FOLH1: variants seen among roughly 807,000 people sequenced by gnomAD.
FOLH1 encodes glutamate carboxypeptidase 2.
Under a neutral mutation model 93.9 loss-of-function variants are expected in FOLH1, and 54 were observed. The observed-to-expected ratio is 0.57, with a 90% CI of 0.46 to 0.72. The LOEUF is 0.72. Ranked by LOEUF, FOLH1 falls within the 30% of genes least tolerant of loss-of-function variation. The pLI is 0.00. For synonymous variants in FOLH1, 249 were observed against 303.6 expected (o/e 0.82, Z 1.87); for missense variants, 571 against 892.5 (o/e 0.64, Z 4.59).
At chr11:49,163,610 T>C (rs1590477615) in intron 13 of FOLH1, among the ~76,000 whole-genome samples, 1 of 151,686 alleles carries the variant, frequency 6.6e-6, no homozygotes, top group Non-Finnish European at 1.5e-5. Flanking sequence ...GCTGTGGAAG[T>C]GGGGCCTGCA....
chr11:49,164,405 A>G (rs540258517), intron 13 of FOLH1, among the ~76,000 whole-genome samples: 26 of 152,328 alleles, frequency 1.7e-4, no homozygotes, highest in African/African-American at 6.0e-4. Flanking sequence ...TGGTTCGGCT[A>G]CCGTACAAGT....
rs1239661067 is a variant in FOLH1 at position 49,146,286 on chromosome 11, G to C, written c.*470C>G. 6.6e-6 allele frequency among the ~76,000 whole-genome samples: 1 copy of C among 152,194 alleles called. No individual in the cohort carries two copies. The highest frequency in any genetic ancestry group is 1.5e-5 in the Non-Finnish European group (1 of 68,040). ...TAGAGTGATAACATTTACTAAAAGTGTGATTTGATCCATTTCCCAAATAGT... is the reference window on the plus strand; with the variant it reads ...TAGAGTGATAACATTTACTAAAAGTCTGATTTGATCCATTTCCCAAATAGT... On this transcript the variant is annotated 3_prime_UTR_variant, in exon 19 of 19. Transcript: ENST00000256999.
chr11:49,187,864 G>A (rs1222403838), intron 4 of FOLH1, among the ~76,000 whole-genome samples: 4 of 152,216 alleles, frequency 2.6e-5, no homozygotes, highest in Non-Finnish European at 4.4e-5. Flanking sequence ...ACTGATTGAT[G>A]TGAGGGTACA....
At chr11:49,199,544 C>T (rs202682) in intron 3 of FOLH1, among the ~76,000 whole-genome samples, 49,307 of 151,806 alleles carry the variant, frequency 0.32, 9,374 homozygotes, top group African/African-American at 0.53. Context: ...CTGGGTCAAA[C>T]TGCATACTGG....
At chr11:49,167,871 A>C (rs1858612078) in intron 12 of FOLH1, among the ~76,000 whole-genome samples, 2 of 150,732 alleles carry the variant, frequency 1.3e-5, no homozygotes, top group African/African-American at 4.9e-5. Flanking sequence ...AAAAAAAACA[A>C]ACAAACAAAA....
At chr11:49,149,092 C>A (rs1856137214) in intron 17 of FOLH1, among the ~76,000 whole-genome samples, 1 of 151,802 alleles carries the variant, frequency 6.6e-6, no homozygotes, top group Non-Finnish European at 1.5e-5. Flanking sequence ...TGGGGAACAT[C>A]ACACACCAGG....
chr11:49,150,138 T>C (rs114640093), intron 17 of FOLH1, among the ~76,000 whole-genome samples: 1,523 of 152,276 alleles, frequency 0.01, 25 homozygotes, highest in African/African-American at 0.035. Context: ...TGCTTGCTAA[T>C]GTGAAATCTA....
chr11:49,202,641 C>T (rs1371638538), intron 2 of FOLH1, among the ~76,000 whole-genome samples: 2 of 152,178 alleles, frequency 1.3e-5, no homozygotes, highest in East Asian at 1.9e-4. Flanking sequence ...CCACTATGCC[C>T]GAATACATTA....
rs1220348693 is a variant in FOLH1, at chr11:49,154,256, C to T, written c.1860G>A (p.Gln620=). The T allele has an allele frequency of 6.2e-7, 1 of 1,613,234 alleles. No homozygotes were observed. Among genetic ancestry groups the T allele is most frequent in the Non-Finnish European group, 8.5e-7 (1 of 1,179,546 alleles). ...KIYSISMKHP[Q]EMKTYSVSFD... ...ATGATACACTGTATGTCTTCATTTC[C>T]TGTGGATGTTTCATAGAAATACTGT... Residue 620 remains glutamine (Q), a synonymous_variant, in exon 16 of 19, where the codon CAG becomes CAA. Coordinates refer to ENST00000256999, the MANE Select transcript of FOLH1 (RefSeq NM_004476.3).
At chr11:49,169,370 T>C in intron 11 of FOLH1, 112 bp from the exon 12 acceptor site, 2 of 953,152 alleles carry the variant, frequency 2.1e-6, no homozygotes, top group Non-Finnish European at 3.1e-6. Context: ...TGACCCATAT[T>C]AACGACAAAT....
intron 9 of FOLH1, among the ~76,000 whole-genome samples, 196 bp from the exon 10 acceptor site, chr11:49,173,672 A>T (rs1324885688): frequency 3.3e-5 from 5 of 152,094 alleles, no homozygotes; most frequent in African/African-American, 1.2e-4. Flanking sequence ...CATAAATGTG[A>T]TAAAGCAAAT....
chr11:49,146,791 G>A lies in FOLH1; in HGVS notation c.2218C>T (p.Gln740Ter). 6.2e-7 allele frequency: 1 copy of A among 1,613,138 alleles called. No homozygotes were observed. The highest frequency in any genetic ancestry group is 8.5e-7 in the Non-Finnish European group (1 of 1,179,464). The change falls in exon 19 of 19, where the codon CAG (glutamine) becomes TAG (stop). Residue 740 changes from glutamine (Q) to a stop codon, truncating the protein, a stop_gained. Coordinates refer to ENST00000256999, the MANE Select transcript of FOLH1 (RefSeq NM_004476.3). LOFTEE classifies it high-confidence loss of function. ...TCACTCAAAGTCTCTGCAGCTGCCT[G>A]CACTGTGAAGGCTGCAACATAAATC... ...RQIYVAAFTVQAAAETLSEVA is the reference protein window; with the variant it reads ...RQIYVAAFTV
chr11:49,191,124 G>T (rs188218685), intron 4 of FOLH1, among the ~76,000 whole-genome samples: 2 of 152,142 alleles, frequency 1.3e-5, no homozygotes, highest in Admixed American at 6.5e-5. Flanking sequence ...CCATTCTCCT[G>T]CCTCAGCCTC....
intron 11 of FOLH1, among the ~76,000 whole-genome samples, chr11:49,170,517 G>A (rs12787414): frequency 3.9e-5 from 6 of 152,084 alleles, no homozygotes; most frequent in Non-Finnish European, 7.4e-5. Flanking sequence ...CAGGAGCCTA[G>A]GGCAGGAGAA....
In FOLH1 at chr11:49,208,342, G is replaced by A. The variant is rs1168526614; in HGVS notation, c.68C>T (p.Ala23Val). The change falls in exon 1 of 19, where the codon GCT becomes GTT. Residue 23 changes from alanine (A) to valine (V), a missense_variant. Physicochemically the swap from Ala to Val is moderately conservative, Grantham distance 64. Around this residue, in one of 2 missense-constraint regions of FOLH1, gnomAD observed 71 missense variants for 69.6 expected, o/e 1.02. Transcript: ENST00000256999. ...ATARRPRWLC[A>V]GALVLAGGFF... ...GCCACCCGCCAGCACCAGCGCCCCA[G>A]CGCACAGCCAGCGCGGGCGGCGCGC... is the stretch of plus-strand genomic sequence containing the variant. 6.2e-7 allele frequency: 1 copy of A among 1,600,126 alleles called. No homozygotes were observed. The highest frequency in any genetic ancestry group is 1.3e-5 in the African/African-American group (1 of 74,730).
chr11:49,180,157 G>T (rs374225666), intron 7 of FOLH1, among the ~76,000 whole-genome samples: 1 of 152,168 alleles, frequency 6.6e-6, no homozygotes, highest in Non-Finnish European at 1.5e-5. Flanking sequence ...CTGAACATTG[G>T]TTACAATGAG....
intron 1 of FOLH1, among the ~76,000 whole-genome samples, chr11:49,207,504 G>T (rs887721109): frequency 6.6e-6 from 1 of 152,154 alleles, no homozygotes; most frequent in Non-Finnish European, 1.5e-5. Flanking sequence ...GGACTACCTG[G>T]TGATACCTTA....
chr11:49,167,796 G>A (rs1336226593), intron 12 of FOLH1, among the ~76,000 whole-genome samples: 8 of 151,858 alleles, frequency 5.3e-5, no homozygotes, highest in Non-Finnish European at 1.0e-4. Flanking sequence ...GGGCTGCGGA[G>A]TGAGACCCTG....
At chr11:49,191,278 C>T (rs1230036447) in intron 4 of FOLH1, among the ~76,000 whole-genome samples, 1 of 152,208 alleles carries the variant, frequency 6.6e-6, no homozygotes, top group Non-Finnish European at 1.5e-5. Context: ...TCCTAGAGTG[C>T]TGGGATTACA....
Sources: gnomAD v4.1 joint callset for allele counts (sites outside exome capture counted in the v4.1 genomes callset) on GRCh38, gnomAD v4.1.1 for gene constraint, gnomAD v4.1.1 regional missense constraint, MANE v1.5 for transcripts, NCBI Gene and HGNC (gene_info 2026-07-23, HGNC 2026-07-21) for gene names.